The following BCKDHB variants were observed in gnomAD, a reference collection of about 807,000 sequenced individuals.
BCKDHB encodes 2-oxoisovalerate dehydrogenase subunit beta, mitochondrial.
A neutral mutation model predicts 48.5 loss-of-function variants in BCKDHB; 41 were observed. The ratio of observed to expected loss-of-function variants is 0.85; its 90% CI spans 0.66 to 1.10. BCKDHB has a LOEUF of 1.10. Ranked by LOEUF, BCKDHB falls within the 50% of genes least tolerant of loss-of-function variation. The pLI, the probability that BCKDHB is intolerant of heterozygous loss-of-function variation, is 0.00. For missense variants in BCKDHB, 496 were observed against 494.2 expected, an observed-to-expected ratio of 1.00 and a Z score of -0.03; for synonymous variants, 201 against 174.8, an observed-to-expected ratio of 1.15 and a Z score of -1.18.
chr6:80,378,547 A>C, the BCKDHB span, among the ~76,000 whole-genome samples: 12 of 152,086 alleles, frequency 7.9e-5, no homozygotes, highest in Non-Finnish European at 1.6e-4. Context: ...CTTGGTAATC[A>C]CTTAGGTTGG....
chr6:80,288,169 A>G (rs1329357229), intron 9 of BCKDHB, among the ~76,000 whole-genome samples: 1 of 152,110 alleles, frequency 6.6e-6, no homozygotes, highest in Non-Finnish European at 1.5e-5. Flanking sequence ...ATGATTTAGT[A>G]TGCCTTTTAC....
the BCKDHB span, among the ~76,000 whole-genome samples, chr6:80,366,642 C>T: frequency 2.6e-5 from 4 of 152,186 alleles, no homozygotes; most frequent in Admixed American, 6.5e-5. Context: ...TAGTGCCCAA[C>T]GTACAGAGAG....
chr6:80,186,620 A>G (rs183497681), intron 6 of BCKDHB, among the ~76,000 whole-genome samples: 225 of 152,302 alleles, frequency 1.5e-3, no homozygotes, highest in Non-Finnish European at 2.3e-3. Flanking sequence ...GACTCTGCTC[A>G]GGAAAATTTG....
intron 9 of BCKDHB, among the ~76,000 whole-genome samples, chr6:80,292,326 A>G (rs1030680357): frequency 6.6e-6 from 1 of 152,226 alleles, no homozygotes; most frequent in African/African-American, 2.4e-5. Context: ...GTTGACTCAC[A>G]GTTCCACATG....
At chr6:80,336,376 G>C (rs1883974) in intron 9 of BCKDHB, among the ~76,000 whole-genome samples, 1 of 151,322 alleles carries the variant, frequency 6.6e-6, no homozygotes, top group Non-Finnish European at 1.5e-5. Flanking sequence ...ATAACATTTC[G>C]TTCTAACTTC....
chr6:80,374,667 T>G, the BCKDHB span: 1 of 449,234 alleles, frequency 2.2e-6, no homozygotes. Flanking sequence ...TATTGAGATT[T>G]GAGGTACTAT....
intron 9 of BCKDHB, among the ~76,000 whole-genome samples, chr6:80,303,647 A>G (rs978108179): frequency 6.6e-6 from 1 of 152,022 alleles, no homozygotes; most frequent in Non-Finnish European, 1.5e-5. Context: ...CATAAAATCC[A>G]TGCGTGTGTG....
chr6:80,456,905 C>T, the BCKDHB span, among the ~76,000 whole-genome samples: 1 of 152,206 alleles, frequency 6.6e-6, no homozygotes, highest in East Asian at 1.9e-4. Context: ...TCTGCCTTCT[C>T]ATGGAGGAAA....
chr6:80,106,858 T>C lies in BCKDHB; in HGVS notation c.165T>C (p.Thr55=). 6.2e-7 allele frequency: 1 copy of C among 1,609,980 alleles called. No individual in the cohort carries two copies. The highest frequency in any genetic ancestry group is 8.5e-7 in the Non-Finnish European group (1 of 1,178,884). The change falls in exon 1 of 10, where the codon ACT becomes ACC. Residue 55 remains threonine (T), a synonymous_variant. Coordinates refer to ENST00000320393, the MANE Select transcript of BCKDHB (RefSeq NM_183050.4). ...AAQRRQVAHF[T]FQPDPEPREY... ...AGAGGCGGCAGGTGGCTCATTTTACTTTCCAGCCAGATCCGGAGCCCCGGG... is the reference window on the plus strand; with the variant it reads ...AGAGGCGGCAGGTGGCTCATTTTACCTTCCAGCCAGATCCGGAGCCCCGGG...
At chr6:80,415,013 G>C in the BCKDHB span, among the ~76,000 whole-genome samples, 1 of 151,798 alleles carries the variant, frequency 6.6e-6, no homozygotes, top group East Asian at 1.9e-4. Context: ...GTGTGTGTGT[G>C]TGTGTGTGTG....
the BCKDHB span, among the ~76,000 whole-genome samples, chr6:80,406,244 G>A: frequency 6.6e-6 from 1 of 152,210 alleles, no homozygotes; most frequent in Non-Finnish European, 1.5e-5. Context: ...ATTTGGGTTT[G>A]TTCCAAGTCT....
intron 8 of BCKDHB, among the ~76,000 whole-genome samples, chr6:80,231,549 A>G (rs1775925584): frequency 6.6e-6 from 1 of 152,206 alleles, no homozygotes; most frequent in South Asian, 2.1e-4. Flanking sequence ...CAAGTGGGCA[A>G]TGACTGTAGG....
At chr6:80,152,234 A>G (rs1166365269) in intron 3 of BCKDHB, among the ~76,000 whole-genome samples, 1 of 151,900 alleles carries the variant, frequency 6.6e-6, no homozygotes, top group African/African-American at 2.4e-5. Flanking sequence ...TTTATTGTGT[A>G]TTCCTCCAAA....
chr6:80,338,531 T>A (rs902528399), intron 9 of BCKDHB, among the ~76,000 whole-genome samples: 2 of 152,164 alleles, frequency 1.3e-5, no homozygotes, highest in African/African-American at 4.8e-5. Context: ...ATACAGGCCT[T>A]ACGTATTTTT....
chr6:80,107,435 G>GTGTGTA (rs1769147037), intron 1 of BCKDHB, among the ~76,000 whole-genome samples: 1 of 143,520 alleles, frequency 7.0e-6, no homozygotes, highest in Non-Finnish European at 1.5e-5. Flanking sequence ...GTGTGTGTGT[G>GTGTGTA]TGTGTGTGTG....
intron 8 of BCKDHB, among the ~76,000 whole-genome samples, chr6:80,242,182 C>T (rs1582425201): frequency 6.6e-6 from 1 of 151,950 alleles, no homozygotes; most frequent in African/African-American, 2.4e-5. Flanking sequence ...AAAGTTTTAC[C>T]TTTCAAACTT....
intron 6 of BCKDHB, among the ~76,000 whole-genome samples, chr6:80,188,230 G>A (rs1485882457): frequency 6.6e-6 from 1 of 152,108 alleles, no homozygotes; most frequent in African/African-American, 2.4e-5. Flanking sequence ...ATAGCTGGAG[G>A]CCATTATCCT....
the BCKDHB span, among the ~76,000 whole-genome samples, chr6:80,392,165 G>A: frequency 6.6e-6 from 1 of 151,834 alleles, no homozygotes; most frequent in South Asian, 2.1e-4. Flanking sequence ...GCTAATTTTT[G>A]TAATTTTTGG....
chr6:80,428,994 T>C, the BCKDHB span, among the ~76,000 whole-genome samples: 1 of 152,240 alleles, frequency 6.6e-6, no homozygotes, highest in Admixed American at 6.5e-5. Flanking sequence ...CTAAGATTTT[T>C]ATGGTTTTAC....
Sources: allele counts gnomAD v4.1 joint callset (sites outside exome capture counted in the v4.1 genomes callset), GRCh38; gene constraint gnomAD v4.1.1; transcripts MANE v1.5; gene names NCBI Gene and HGNC (gene_info 2026-07-23, HGNC 2026-07-21).